Variants in MCF2L observed in about 807,000 individuals in gnomAD.
MCF2L encodes the protein MCF.2 cell line derived transforming sequence like.
In MCF2L, 97 loss-of-function variants were observed where a neutral mutation model predicts 153.4. The ratio of observed to expected loss-of-function variants is 0.63; its 90% CI spans 0.54 to 0.75. The LOEUF (loss-of-function observed/expected upper bound fraction) is 0.75. Among genes scored for constraint, MCF2L ranks in the 30% least tolerant of loss-of-function variants. The pLI is 0.00. For synonymous variants in MCF2L, 659 were observed against 632.2 expected (o/e 1.04, Z -0.64); for missense variants, 1,347 against 1,495.2 (o/e 0.90, Z 1.64).
chr13:112,973,381 A>G (rs2082116581), intron 1 of MCF2L, among the ~76,000 whole-genome samples: 3 of 152,214 alleles, frequency 2.0e-5, no homozygotes, highest in Admixed American at 1.3e-4. Context: ...GTGACTATAA[A>G]GTACAGAAAC....
Position 113,070,218 on chromosome 13 carries a change from G to A in MCF2L, c.996+45G>A. 7.4e-7 allele frequency: 1 copy of A among 1,359,310 alleles called. No individual in the cohort carries two copies. The highest frequency in any genetic ancestry group is 1.0e-6 in the Non-Finnish European group (1 of 997,998). The allele number at this position is 1,359,310 out of a possible 1,614,324, so 84.2% of individuals were successfully genotyped here. Reference sequence around the variant, plus strand: ...GCCGGCAGCCGCCCTGATGCTCACGGGGCCTCCTGTGCCTGCGCCCTGGTC... The same window carrying A: ...GCCGGCAGCCGCCCTGATGCTCACGAGGCCTCCTGTGCCTGCGCCCTGGTC... On this transcript the variant is annotated intron_variant, in intron 9 of 29. Transcript: ENST00000535094. This position sits in a 1 kb window ranked among gnomAD's most constrained non-coding sequence, Gnocchi z 5.6.
chr13:112,962,529 C>T (rs1415644910), intron 2 of MCF2L, among the ~76,000 whole-genome samples: 2 of 152,194 alleles, frequency 1.3e-5, no homozygotes, highest in Admixed American at 1.3e-4. Flanking sequence ...GGTGCCCAGG[C>T]CTGGTCCCTG....
intron 2 of MCF2L, among the ~76,000 whole-genome samples, chr13:112,950,582 G>A (rs986823600): frequency 4.0e-4 from 61 of 152,244 alleles, no homozygotes; most frequent in African/African-American, 1.4e-3. Flanking sequence ...ACACAAATAT[G>A]CCCAACTGAT....
At position 113,028,003 on chromosome 13, in the gene MCF2L, CT is replaced by C. The variant is rs149200200; in HGVS notation, c.278+3246del. ...CCGGCCTGACAGGTACATCCGCCCC[CT>C]GATGGCACCTCCTGGCATGGGGCTA... On this transcript the variant is annotated intron_variant, in intron 3 of 29. Coordinates refer to ENST00000535094, the MANE Select transcript of MCF2L (RefSeq NM_001112732.3). This position sits in a 1 kb window ranked among gnomAD's most constrained non-coding sequence, Gnocchi z 5.4. 0.026 allele frequency among the ~76,000 whole-genome samples: 4,025 copies of C among 152,312 alleles called. 135 individuals carry two copies. Among genetic ancestry groups the C allele is most frequent in the African/African-American group, 0.081 (3,361 of 41,554 alleles).
At chr13:113,065,543 A>G (rs1479554256) in intron 7 of MCF2L, among the ~76,000 whole-genome samples, 1 of 152,232 alleles carries the variant, frequency 6.6e-6, no homozygotes, top group East Asian at 1.9e-4. Flanking sequence ...TGTTTGCAGA[A>G]CACTCCCAGT....
At chr13:113,060,488 C>A in intron 4 of MCF2L, 105 bp from the exon 5 acceptor site, 1 of 1,400,152 alleles carries the variant, frequency 7.1e-7, no homozygotes, top group Non-Finnish European at 9.8e-7. Flanking sequence ...GATGCCTGGC[C>A]GCTAGCTGCG....
chr13:113,037,043 G>A (rs573464104), intron 3 of MCF2L, among the ~76,000 whole-genome samples: 4 of 152,296 alleles, frequency 2.6e-5, no homozygotes, highest in South Asian at 2.1e-4. Flanking sequence ...AGTGCCGTGC[G>A]GTCCAGCGGC....
intron 2 of MCF2L, among the ~76,000 whole-genome samples, chr13:112,928,980 C>A (rs1166716035): frequency 1.3e-5 from 2 of 152,188 alleles, no homozygotes; most frequent in Non-Finnish European, 2.9e-5. Context: ...CACAAGCCAG[C>A]CTTTACTGGA....
At chr13:112,939,112 G>A (rs555666479) in intron 2 of MCF2L, among the ~76,000 whole-genome samples, 11 of 152,322 alleles carry the variant, frequency 7.2e-5, no homozygotes, top group South Asian at 2.1e-4. Context: ...AAAATGTCAC[G>A]TTTGGGTTTC....
At chr13:112,958,608 G>T (rs545554586) in intron 2 of MCF2L, among the ~76,000 whole-genome samples, 1 of 152,342 alleles carries the variant, frequency 6.6e-6, no homozygotes, top group East Asian at 1.9e-4. Context: ...TCCCTGAAAT[G>T]CATCATTCCT....
Position 113,086,107 on chromosome 13 carries a change from C to A in MCF2L, c.2248-17C>A. On this transcript the variant is annotated splice_polypyrimidine_tract_variant and intron_variant, in intron 20 of 29. Coordinates refer to ENST00000535094, the MANE Select transcript of MCF2L (RefSeq NM_001112732.3). ...TCTCCGTGTCCCGACGCGGTTGCCT[C>A]ACCCCATGCCCCTCAGGAAATGCTG... is the stretch of plus-strand genomic sequence containing the variant. 6.3e-7 allele frequency: 1 copy of A among 1,595,434 alleles called. No individual in the cohort carries two copies. The highest frequency in any genetic ancestry group is 8.5e-7 in the Non-Finnish European group (1 of 1,170,922).
chr13:113,081,707 G>C (rs2034149213), intron 16 of MCF2L, among the ~76,000 whole-genome samples: 2 of 152,276 alleles, frequency 1.3e-5, no homozygotes, highest in Non-Finnish European at 2.9e-5. Context: ...GGTCACCTGA[G>C]TATAGACAGG....
chr13:113,002,035 A>G, intron 1 of MCF2L: 1 of 1,493,330 alleles, frequency 6.7e-7, no homozygotes, highest in Non-Finnish European at 8.9e-7. Context: ...TTGTGGGGCG[A>G]CAGTGCGGGG....
At chr13:113,061,380 C>G (rs774619552) in intron 5 of MCF2L, among the ~76,000 whole-genome samples, 1 of 152,146 alleles carries the variant, frequency 6.6e-6, no homozygotes, top group South Asian at 2.1e-4. Context: ...GTAGCTCCCC[C>G]GGAGAGCCCT....
At chr13:112,917,743 G>A (rs1466527564) in intron 2 of MCF2L, among the ~76,000 whole-genome samples, 4 of 152,226 alleles carry the variant, frequency 2.6e-5, no homozygotes, top group Non-Finnish European at 5.9e-5. Context: ...TCCACTGGAT[G>A]GGTAGTTTGT....
rs115915351 is a variant in MCF2L at position 112,897,187 on chromosome 13, C to T, written c.-5+2756C>T. On this transcript the variant is annotated intron_variant, in intron 1 of 29. Coordinates refer to the MCF2L transcript ENST00000375608. ...GGCAACCCCCGCTTTGGGAAAGCTA[C>T]ATCATGAGGGTCGCTCCTGGCGTCC... Among the ~76,000 whole-genome samples the T allele has an allele frequency of 7.2e-3, 1,102 of 152,318 alleles. 14 individuals are homozygous for T. Among genetic ancestry groups the T allele is most frequent in the African/African-American group, 0.025 (1,036 of 41,574 alleles).
rs542852650 is a variant in MCF2L, at chr13:113,060,031, C to T, written c.370-562C>T. 8.1e-4 allele frequency among the ~76,000 whole-genome samples: 123 copies of T among 152,320 alleles called. 1 individual carries two copies. Among genetic ancestry groups the T allele is most frequent in the African/African-American group, 2.7e-3 (113 of 41,566 alleles). On this transcript the variant is annotated intron_variant, in intron 4 of 29. Transcript: ENST00000535094. ...GGCGGAGTCTGAACTCAGGTGTGGC[C>T]GGAGGGGGCTCCTTCCAAGGCTATG...
intron 1 of MCF2L, chr13:113,009,661 G>C (rs974569584): frequency 1.3e-5 from 2 of 152,366 alleles, no homozygotes; most frequent in Admixed American, 6.5e-5. Flanking sequence ...TTATCTGAAG[G>C]CTGTGGTTTC....
At position 113,014,783 on chromosome 13, in the gene MCF2L, A is replaced by G. The variant is rs181380349; in HGVS notation, c.100A>G (p.Ile34Val). The G allele has an allele frequency of 1.9e-6, 3 of 1,613,982 alleles. No homozygotes were observed. Among genetic ancestry groups the G allele is most frequent in the African/African-American group, 1.3e-5 (1 of 75,046 alleles). Residue 34 changes from isoleucine to valine, a missense_variant, in exon 2 of 30, where the codon ATC (isoleucine) becomes GTC (valine). By Grantham distance (29) the Ile-to-Val change is conservative. Around this residue, in one of 3 missense-constraint regions of MCF2L, gnomAD observed 820 missense variants for 921.2 expected, o/e 0.89. Transcript: ENST00000535094. The stretch of plus-strand genomic sequence containing the variant: ...TGCAGATGAAATCATGCACCAGGAC[A>G]TCGTCCCGCTCTGTGCTGCCGACAT... ...KHTDEIMHQD[I>V]VPLCAADIQD...
Sources: allele counts gnomAD v4.1 joint callset (sites outside exome capture counted in the v4.1 genomes callset), GRCh38; gene constraint gnomAD v4.1.1; regional missense constraint gnomAD v4.1.1; non-coding constraint Gnocchi (gnomAD v3.1); transcripts MANE v1.5; gene names NCBI Gene and HGNC (gene_info 2026-07-23, HGNC 2026-07-21).